KHDRBS2: variants seen among roughly 807,000 people sequenced by gnomAD.
KHDRBS2 encodes KH domain-containing, RNA-binding, signal transduction-associated protein 2.
In KHDRBS2, 26 loss-of-function variants were observed where a neutral mutation model predicts 44.3. That is an observed-to-expected ratio of 0.59 (90% CI 0.43 to 0.81). The LOEUF is 0.81. KHDRBS2 is among the 40% of genes least tolerant of loss of function. The probability of loss-of-function intolerance (pLI) is 0.00; values close to 1 mark genes in which losing one functional copy is unlikely to be tolerated. For missense variants in KHDRBS2, 476 were observed against 433.1 expected (o/e 1.10, Z -0.88); for synonymous variants, 194 against 151.1 (o/e 1.28, Z -2.08).
chr6:61,604,661 G>A, the KHDRBS2 span, among the ~76,000 whole-genome samples: 1 of 151,842 alleles, frequency 6.6e-6, no homozygotes, highest in Admixed American at 6.6e-5. Context: ...TACTCTTCAG[G>A]GATTGTTCAG....
chr6:61,934,533 A>G (rs1174720570), intron 4 of KHDRBS2, among the ~76,000 whole-genome samples: 1 of 152,326 alleles, frequency 6.6e-6, no homozygotes, highest in East Asian at 1.9e-4. Flanking sequence ...ATTCAAAGTC[A>G]GTAGATTATC....
chr6:62,066,048 G>T (rs185161729), intron 2 of KHDRBS2, among the ~76,000 whole-genome samples: 1 of 151,534 alleles, frequency 6.6e-6, no homozygotes, highest in Non-Finnish European at 1.5e-5. Context: ...TGTATTCAAA[G>T]ACACGTCTTT....
intron 1 of KHDRBS2, among the ~76,000 whole-genome samples, chr6:62,179,303 G>A (rs1821779610): frequency 6.6e-6 from 1 of 151,576 alleles, no homozygotes; most frequent in African/African-American, 2.4e-5. Flanking sequence ...AAACTGAATT[G>A]TTTGAAAATA....
chr6:61,802,401 A>G (rs1430235815), intron 6 of KHDRBS2, among the ~76,000 whole-genome samples: 1 of 152,182 alleles, frequency 6.6e-6, no homozygotes, highest in Non-Finnish European at 1.5e-5. Flanking sequence ...ATTTTAAATA[A>G]GGAAAGTGAA....
At chr6:61,581,528 TTATAA>T in the KHDRBS2 span, among the ~76,000 whole-genome samples, 3 of 148,208 alleles carry the variant, frequency 2.0e-5, no homozygotes, top group East Asian at 3.9e-4. Context: ...ATAATATAGA[TTATAA>T]TATAATATAC....
chr6:62,224,563 T>C (rs1300463215), intron 1 of KHDRBS2, among the ~76,000 whole-genome samples: 3 of 152,200 alleles, frequency 2.0e-5, no homozygotes, highest in Non-Finnish European at 2.9e-5. Context: ...AATATCATTT[T>C]TCGCACTGGC....
chr6:61,721,023 T>A (rs1415832007), intron 7 of KHDRBS2, among the ~76,000 whole-genome samples: 3 of 151,472 alleles, frequency 2.0e-5, no homozygotes, highest in Non-Finnish European at 4.4e-5. Flanking sequence ...CAGCACCATT[T>A]ATTAAATAGG....
intron 7 of KHDRBS2, among the ~76,000 whole-genome samples, chr6:61,701,633 T>C (rs1213318652): frequency 2.6e-5 from 4 of 152,152 alleles, no homozygotes; most frequent in African/African-American, 4.8e-5. Context: ...CCAGGGTATC[T>C]GGCTTAACTC....
chr6:61,781,239 G>A (rs928301167), intron 6 of KHDRBS2, among the ~76,000 whole-genome samples: 1 of 151,994 alleles, frequency 6.6e-6, no homozygotes, highest in Non-Finnish European at 1.5e-5. Context: ...TTATAATTTA[G>A]CATCCCAGTA....
intron 7 of KHDRBS2, among the ~76,000 whole-genome samples, chr6:61,723,145 C>T (rs1253743727): frequency 2.2e-5 from 3 of 135,032 alleles, no homozygotes; most frequent in Non-Finnish European, 4.7e-5. Flanking sequence ...AGACAAGTGG[C>T]CTGACCATAA....
At chr6:61,927,033 G>C (rs779494841) in intron 4 of KHDRBS2, among the ~76,000 whole-genome samples, 14 of 152,012 alleles carry the variant, frequency 9.2e-5, no homozygotes, top group Non-Finnish European at 1.6e-4. Context: ...AGCAGGGTCT[G>C]ATTGACCCTA....
chr6:61,869,295 C>T (rs1798248802), intron 6 of KHDRBS2, among the ~76,000 whole-genome samples: 1 of 152,058 alleles, frequency 6.6e-6, no homozygotes, highest in Non-Finnish European at 1.5e-5. Flanking sequence ...ATTGTTTTTG[C>T]TAATTTCTTA....
chr6:61,560,226 C>A, the KHDRBS2 span, among the ~76,000 whole-genome samples: 1 of 152,058 alleles, frequency 6.6e-6, no homozygotes, highest in Non-Finnish European at 1.5e-5. Context: ...GTTAAAAAAT[C>A]AACGATCCTT....
chr6:61,556,679 T>G, the KHDRBS2 span, among the ~76,000 whole-genome samples: 1 of 152,064 alleles, frequency 6.6e-6, no homozygotes, highest in South Asian at 2.1e-4. Flanking sequence ...AAAAAGAACC[T>G]AATTCAGCTT....
At chr6:61,754,908 C>T (rs1413305967) in intron 6 of KHDRBS2, among the ~76,000 whole-genome samples, 1 of 152,114 alleles carries the variant, frequency 6.6e-6, no homozygotes, top group African/African-American at 2.4e-5. Context: ...GGATAGAACA[C>T]TTTCAACATC....
chr6:61,994,379 A>G (rs1246298703), intron 3 of KHDRBS2, among the ~76,000 whole-genome samples: 3 of 152,214 alleles, frequency 2.0e-5, no homozygotes, highest in African/African-American at 7.2e-5. Context: ...CAGACTGGTA[A>G]GAAGAAACTA....
intron 3 of KHDRBS2, among the ~76,000 whole-genome samples, chr6:62,029,317 G>A (rs1783927181): frequency 6.6e-6 from 1 of 151,596 alleles, no homozygotes; most frequent in South Asian, 2.1e-4. Flanking sequence ...CATTTGGATG[G>A]GGACTTTTTT....
chr6:62,232,581 C>T (rs760350849), intron 1 of KHDRBS2, among the ~76,000 whole-genome samples: 5 of 152,116 alleles, frequency 3.3e-5, no homozygotes, highest in Non-Finnish European at 7.4e-5. Flanking sequence ...AATACACACA[C>T]ATGCTTATTT....
intron 4 of KHDRBS2, among the ~76,000 whole-genome samples, chr6:61,902,130 T>A (rs571177344): frequency 4.6e-5 from 7 of 152,154 alleles, no homozygotes; most frequent in African/African-American, 1.2e-4. Flanking sequence ...ATTTTTGTAT[T>A]TTTGGTAGAG....
Sources: gnomAD v4.1 joint callset for allele counts (sites outside exome capture counted in the v4.1 genomes callset) on GRCh38, gnomAD v4.1.1 for gene constraint, MANE v1.5 for transcripts, NCBI Gene and HGNC (gene_info 2026-07-23, HGNC 2026-07-21) for gene names.